Variants in DMD observed in about 807,000 individuals in gnomAD.
The protein encoded by DMD is dystrophin.
In DMD, 63 loss-of-function variants were observed where a neutral mutation model predicts 330.1. That is an observed-to-expected ratio of 0.19 (90% CI 0.16 to 0.24). DMD has a LOEUF of 0.24. Ranked by LOEUF, DMD falls within the 10% of genes least tolerant of loss-of-function variation. The pLI is 1.00. For synonymous variants in DMD, 1,223 were observed against 959.8 expected, an observed-to-expected ratio of 1.27 and a Z score of -5.07; for missense variants, 3,344 against 2,684.1, an observed-to-expected ratio of 1.25 and a Z score of -5.43.
intron 62 of DMD, among the ~76,000 whole-genome samples, chrX:31,287,428 T>C (rs2053308720): frequency 8.9e-6 from 1 of 112,646 alleles, no homozygotes; most frequent in Non-Finnish European, 1.9e-5. Context: ...AGGCACTTTG[T>C]ATAAATACCA....
chrX:32,979,896 C>A (rs1193968039), intron 2 of DMD, among the ~76,000 whole-genome samples: 1 of 110,564 alleles, frequency 9.0e-6, no homozygotes, highest in Non-Finnish European at 1.9e-5. Flanking sequence ...TCAGTATCAC[C>A]GTAATTTAGG....
chrX:32,789,203 T>C (rs927427014), intron 7 of DMD, among the ~76,000 whole-genome samples: 1 of 112,419 alleles, frequency 8.9e-6, no homozygotes, highest in African/African-American at 3.2e-5. Flanking sequence ...GCCAGTCTTA[T>C]GTGACAGCTA....
At chrX:32,088,677 A>ATGT (rs1296941031) in intron 44 of DMD, among the ~76,000 whole-genome samples, 1 of 97,401 alleles carries the variant, frequency 1.0e-5, no homozygotes, top group Non-Finnish European at 2.1e-5. Flanking sequence ...ATAGCTCTGA[A>ATGT]GTGTGTGTGT....
chrX:31,736,698 G>A (rs1054997034), intron 51 of DMD, among the ~76,000 whole-genome samples: 2 of 111,165 alleles, frequency 1.8e-5, no homozygotes, highest in African/African-American at 6.5e-5. Context: ...TATTTTTTGT[G>A]TAATAATACA....
intron 50 of DMD, among the ~76,000 whole-genome samples, chrX:31,811,773 C>T (rs775805554): frequency 3.6e-5 from 4 of 111,304 alleles, no homozygotes; most frequent in South Asian, 3.8e-4. Context: ...AAGATTTGGC[C>T]TCACGGAAAT....
chrX:31,789,530 C>T (rs1267186490), intron 50 of DMD, among the ~76,000 whole-genome samples: 1 of 110,984 alleles, frequency 9.0e-6, no homozygotes, highest in Non-Finnish European at 1.9e-5. Flanking sequence ...ATAAAATTTT[C>T]AATGAAGTTA....
At chrX:31,364,782 C>T (rs1408018396) in intron 60 of DMD, among the ~76,000 whole-genome samples, 1 of 111,206 alleles carries the variant, frequency 9.0e-6, no homozygotes. Flanking sequence ...TTCCCCCAGT[C>T]TCATTATGAA....
intron 41 of DMD, among the ~76,000 whole-genome samples, chrX:32,338,079 C>T (rs1195235342): frequency 9.0e-6 from 1 of 111,036 alleles, no homozygotes; most frequent in Non-Finnish European, 1.9e-5. Context: ...CATGTTTTAC[C>T]TGGTATTTGA....
chrX:31,789,341 T>C lies in DMD; in HGVS notation c.7310-15149A>G, dbSNP rs985306006. ...TGGTAATAACTTAACTTTGATTGCA[T>C]ACAAAACTCTACACGCTTACTTCCC... On this transcript the variant is annotated intron_variant, in intron 50 of 78. Transcript: ENST00000357033. Among the ~76,000 whole-genome samples the C allele has an allele frequency of 1.8e-5, 2 of 111,257 alleles. 1 individual carries two copies. The highest frequency in any genetic ancestry group is 3.8e-5 in the Non-Finnish European group (2 of 52,805).
At chrX:33,258,603 T>TA (rs2052897851) in intron 1 of DMD, among the ~76,000 whole-genome samples, 2 of 111,315 alleles carry the variant, frequency 1.8e-5, no homozygotes, top group Non-Finnish European at 3.8e-5. Flanking sequence ...GCTTTGATGG[T>TA]AAAACGACTG....
At chrX:32,412,647 C>G (rs2098147972) in intron 29 of DMD, among the ~76,000 whole-genome samples, 1 of 111,424 alleles carries the variant, frequency 9.0e-6, no homozygotes, top group Non-Finnish European at 1.9e-5. Flanking sequence ...ATTGGAAAGT[C>G]TCCCTTCAAG....
intron 44 of DMD, among the ~76,000 whole-genome samples, chrX:31,991,042 A>C (rs1259559941): frequency 1.8e-5 from 2 of 111,843 alleles, no homozygotes; most frequent in Non-Finnish European, 3.8e-5. Flanking sequence ...CTGAAAACCA[A>C]TACAGGTTTT....
chrX:31,789,752 C>T (rs1314327699), intron 50 of DMD, among the ~76,000 whole-genome samples: 9 of 110,751 alleles, frequency 8.1e-5, no homozygotes, highest in South Asian at 3.8e-4. Flanking sequence ...CAAAAAGATA[C>T]GAAGGGAGAA....
In DMD at chrX:32,386,355, T is replaced by G; in HGVS notation, c.4629A>C (p.Glu1543Asp). Residue 1543 changes from glutamate to aspartate, a missense_variant, in exon 33 of 79, where the codon GAA (glutamate) becomes GAC (aspartate). By Grantham distance (45) the Glu-to-Asp change is conservative (BLOSUM62 2). Coordinates refer to ENST00000357033, the MANE Select transcript of DMD (RefSeq NM_004006.3). ...KQTENPKELD[E>D]RVTALKLHYN... is the part of the protein sequence containing the mutation. ...AATGCAATTTCAAAGCTGTTACTCT[T>G]TCATCAAGTTCTTTGGGATTTTCCG... The G allele has an allele frequency of 8.3e-7, 1 of 1,209,465 alleles. No homozygotes were observed.
At chrX:32,153,741 A>G (rs1291473442) in intron 44 of DMD, among the ~76,000 whole-genome samples, 1 of 111,755 alleles carries the variant, frequency 8.9e-6, no homozygotes, top group East Asian at 2.8e-4. Flanking sequence ...CACAATTTAG[A>G]TATTTATAGC....
intron 1 of DMD, among the ~76,000 whole-genome samples, chrX:33,109,036 A>G (rs1027758462): frequency 9.1e-6 from 1 of 109,584 alleles, no homozygotes; most frequent in African/African-American, 3.3e-5. Context: ...ACTATCAGCT[A>G]TAGATGGCTT....
chrX:31,432,275 G>A (rs2064147248), intron 60 of DMD, among the ~76,000 whole-genome samples: 1 of 111,742 alleles, frequency 8.9e-6, no homozygotes, highest in Non-Finnish European at 1.9e-5. Context: ...CCCATTAGAT[G>A]TGTAATATAA....
chrX:32,999,799 C>A (rs376099563), intron 2 of DMD, among the ~76,000 whole-genome samples: 8 of 70,796 alleles, frequency 1.1e-4, no homozygotes, highest in East Asian at 1.2e-3. Flanking sequence ...AAAACAAAAA[C>A]AAAAAACAAA....
At chrX:32,752,991 G>T (rs1054451462) in intron 7 of DMD, among the ~76,000 whole-genome samples, 4 of 110,672 alleles carry the variant, frequency 3.6e-5, no homozygotes, top group Admixed American at 9.6e-5. Context: ...CCAATCTCAG[G>T]TATCTCTTTA....
Sources: allele counts gnomAD v4.1 joint callset (sites outside exome capture counted in the v4.1 genomes callset), GRCh38; gene constraint gnomAD v4.1.1; transcripts MANE v1.5; gene names NCBI Gene and HGNC (gene_info 2026-07-23, HGNC 2026-07-21).